The following RBFOX1 variants were observed in gnomAD, a reference collection of about 807,000 sequenced individuals.
RBFOX1 encodes RNA binding fox-1 homolog 1, also known as RNA binding protein fox-1 homolog 1.
A neutral mutation model predicts 57.7 loss-of-function variants in RBFOX1; 8 were observed. That is an observed-to-expected ratio of 0.14 (90% CI 0.08 to 0.25). The LOEUF is 0.25. Ranked by LOEUF, RBFOX1 falls within the 10% of genes least tolerant of loss-of-function variation. RBFOX1 has a pLI of 1.00. For synonymous variants in RBFOX1, 326 were observed against 222.4 expected, an observed-to-expected ratio of 1.47 and a Z score of -4.15; for missense variants, 611 against 548.5, an observed-to-expected ratio of 1.11 and a Z score of -1.14.
chr16:7,080,891 C>G lies in RBFOX1; in HGVS notation c.27+28793C>G, dbSNP rs575101463. On this transcript the variant is annotated intron_variant, in intron 4 of 15. Coordinates refer to ENST00000550418, the MANE Select transcript of RBFOX1 (RefSeq NM_018723.4). ...GGGAGCCTTTGAAATAAGTCATTCC[C>G]TCCTTGACGTTCGTTAGCAGTTTCT... Among the ~76,000 whole-genome samples the G allele has an allele frequency of 2.0e-5, 3 of 152,290 alleles. No individual in the cohort carries two copies. In the South Asian group the frequency reaches 6.2e-4, roughly 32 times the overall value.
chr16:5,254,612 T>C (rs368817664), intron 1 of RBFOX1, among the ~76,000 whole-genome samples: 1 of 152,244 alleles, frequency 6.6e-6, no homozygotes, highest in East Asian at 1.9e-4. Context: ...CTTTTCTCTG[T>C]TCGAGATTGC....
intron 2 of RBFOX1, among the ~76,000 whole-genome samples, chr16:5,510,638 G>A (rs1178443393): frequency 6.6e-5 from 10 of 152,204 alleles, no homozygotes; most frequent in Admixed American, 6.5e-4. Flanking sequence ...AATCTGCAAG[G>A]TAGGTTAATA....
intron 4 of RBFOX1, among the ~76,000 whole-genome samples, chr16:7,134,018 A>T (rs984176688): frequency 6.6e-6 from 1 of 152,196 alleles, no homozygotes; most frequent in Admixed American, 6.5e-5. Context: ...TTGAAGTGTG[A>T]TACTGTGCTT....
chr16:6,670,793 C>T (rs749935637), intron 3 of RBFOX1, among the ~76,000 whole-genome samples: 22 of 152,024 alleles, frequency 1.4e-4, no homozygotes, highest in Admixed American at 3.3e-4. Context: ...GTCAGGAGAT[C>T]GAGACCATCC....
intron 1 of RBFOX1, among the ~76,000 whole-genome samples, chr16:5,361,327 A>C (rs1397432599): frequency 6.6e-6 from 1 of 152,200 alleles, no homozygotes; most frequent in Admixed American, 6.5e-5. Flanking sequence ...AAATAGGTTA[A>C]GAAGTGGGCC....
intron 1 of RBFOX1, among the ~76,000 whole-genome samples, chr16:5,403,392 C>A (rs1018381675): frequency 6.6e-6 from 1 of 151,348 alleles, no homozygotes; most frequent in Admixed American, 6.6e-5. Flanking sequence ...ACAAAAAAAC[C>A]CAAAACCCTT....
chr16:6,625,157 T>TA (rs34634402), intron 2 of RBFOX1, among the ~76,000 whole-genome samples: 18,381 of 56,202 alleles, frequency 0.33, 4,476 homozygotes, highest in Non-Finnish European at 0.35. Context: ...CAACCCTATC[T>TA]AAAAAAAAAA....
chr16:6,748,426 C>G (rs908109472), intron 3 of RBFOX1, among the ~76,000 whole-genome samples: 1 of 152,026 alleles, frequency 6.6e-6, no homozygotes, highest in South Asian at 2.1e-4. Context: ...TTTGGAAGGC[C>G]GAGGCAGGAG....
At chr16:7,672,900 T>C (rs184629165) in intron 13 of RBFOX1, among the ~76,000 whole-genome samples, 38 of 112,232 alleles carry the variant, frequency 3.4e-4, no homozygotes, top group African/African-American at 1.5e-3. Context: ...AACATATAGA[T>C]AAATTAGGGA....
intron 12 of RBFOX1, among the ~76,000 whole-genome samples, chr16:7,662,013 A>G (rs981671203): frequency 8.2e-6 from 1 of 121,338 alleles, no homozygotes; most frequent in African/African-American, 2.6e-5. Context: ...CATGGTGCAT[A>G]ACAACTTGTC....
In RBFOX1 at chr16:6,514,216, G is replaced by A. The variant is rs562141356; in HGVS notation, c.-63-140387G>A. 1.3e-3 allele frequency among the ~76,000 whole-genome samples: 203 copies of A among 152,260 alleles called. 1 individual carries two copies. Among genetic ancestry groups the A allele is most frequent in the South Asian group, 0.011 (51 of 4,822 alleles). On this transcript the variant is annotated intron_variant, in intron 2 of 15. Transcript: ENST00000550418. The stretch of plus-strand genomic sequence containing the variant: ...CTCCCATCCTTTGGGGATGCTCTCT[G>A]CTTAAAAGGATGTTTAGAATGCCAT...
At chr16:7,077,742 C>G (rs903378898) in intron 4 of RBFOX1, among the ~76,000 whole-genome samples, 2 of 152,260 alleles carry the variant, frequency 1.3e-5, no homozygotes, top group Middle Eastern at 3.4e-3. Flanking sequence ...AAGTATTAGT[C>G]GTATTAAACT....
chr16:7,389,675 A>G (rs555255972), intron 4 of RBFOX1, among the ~76,000 whole-genome samples: 1 of 152,222 alleles, frequency 6.6e-6, no homozygotes, highest in South Asian at 2.1e-4. Context: ...TCAGAAGACA[A>G]TCTGGCTGGA....
chr16:6,884,755 A>C (rs1403675774), intron 3 of RBFOX1, among the ~76,000 whole-genome samples: 1 of 152,026 alleles, frequency 6.6e-6, no homozygotes, highest in Non-Finnish European at 1.5e-5. Flanking sequence ...AAAATTAGCT[A>C]GGTGTGATGG....
intron 4 of RBFOX1, among the ~76,000 whole-genome samples, chr16:7,066,105 A>G (rs2055959483): frequency 6.6e-6 from 1 of 152,226 alleles, no homozygotes. Flanking sequence ...TTGCATGAGA[A>G]TCTTAAAGCC....
chr16:5,743,123 A>G (rs2052837501), intron 3 of RBFOX1, among the ~76,000 whole-genome samples: 1 of 152,114 alleles, frequency 6.6e-6, no homozygotes, highest in African/African-American at 2.4e-5. Context: ...AGTATTCTGT[A>G]TTGTGATTGG....
intron 14 of RBFOX1, among the ~76,000 whole-genome samples, chr16:7,708,752 C>G (rs2148562733): frequency 6.6e-6 from 1 of 152,234 alleles, no homozygotes; most frequent in South Asian, 2.1e-4. Context: ...ACCTCAGTCT[C>G]TAAGGCAGCT....
intron 3 of RBFOX1, among the ~76,000 whole-genome samples, chr16:5,760,674 T>G (rs1228924708): frequency 6.6e-6 from 1 of 152,212 alleles, no homozygotes; most frequent in Admixed American, 6.5e-5. Context: ...CAATTCAATT[T>G]ATATGAAATA....
At chr16:6,111,739 G>C (rs75794078) in intron 1 of RBFOX1, among the ~76,000 whole-genome samples, 6,491 of 152,202 alleles carry the variant, frequency 0.043, 202 homozygotes, top group African/African-American at 0.084. Context: ...AAGAAACCAA[G>C]GAAGACTTTT....
Sources: gnomAD v4.1 joint callset for allele counts (sites outside exome capture counted in the v4.1 genomes callset) on GRCh38, gnomAD v4.1.1 for gene constraint, MANE v1.5 for transcripts, NCBI Gene and HGNC (gene_info 2026-07-23, HGNC 2026-07-21) for gene names.